The following ZNF699 variants were observed in gnomAD, a reference collection of about 807,000 sequenced individuals.
ZNF699 encodes the protein zinc finger protein 699.
A neutral mutation model predicts 22.5 loss-of-function variants in ZNF699; 18 were observed. The ratio of observed to expected loss-of-function variants is 0.80; its 90% CI spans 0.55 to 1.19. ZNF699 has a LOEUF of 1.19. Ranked by LOEUF, ZNF699 falls within the 50% of genes most tolerant of loss-of-function variation. The pLI, the probability that ZNF699 is intolerant of heterozygous loss-of-function variation, is 0.00. For synonymous variants in ZNF699, 241 were observed against 262.3 expected, an observed-to-expected ratio of 0.92 and a Z score of 0.78; for missense variants, 670 against 763.4, an observed-to-expected ratio of 0.88 and a Z score of 1.44.
chr19:9,304,644 G>C (rs191377396), intron 2 of ZNF699, among the ~76,000 whole-genome samples: 1 of 152,192 alleles, frequency 6.6e-6, no homozygotes, highest in Non-Finnish European at 1.5e-5. Context: ...CACTACGGCC[G>C]GCCGGGCACG....
Position 9,309,689 on chromosome 19 carries a change from T to G in ZNF699, c.-345A>C, listed in dbSNP as rs10775620. 6.6e-6 allele frequency: 1 copy of G among 152,288 alleles called. No individual in the cohort carries two copies. The highest frequency in any genetic ancestry group is 1.5e-5 in the Non-Finnish European group (1 of 68,120). 9.4% of individuals were successfully genotyped at this position (152,288 alleles called of 1,614,324 possible). On this transcript the variant is annotated 5_prime_UTR_variant, in exon 1 of 6. Coordinates refer to ENST00000591998, the MANE Select transcript of ZNF699 (RefSeq NM_198535.3). ...GGGAGGCAGCCCTTAGACCGCCGATTCCCAAACCCAGCCCTCGGTCTCCCG... is the reference window on the plus strand; with the variant it reads ...GGGAGGCAGCCCTTAGACCGCCGATGCCCAAACCCAGCCCTCGGTCTCCCG...
In ZNF699 at chr19:9,294,024, C is replaced by A. The variant is rs1319742193; in HGVS notation, c.*1451G>T. On this transcript the variant is annotated 3_prime_UTR_variant, in exon 6 of 6. Coordinates refer to ENST00000591998, the MANE Select transcript of ZNF699 (RefSeq NM_198535.3). ...CAGGATGATACCCTGTGGATGCTTA[C>A]CTCAATTACCAAGGGTAACTTCCCT... is the stretch of plus-strand genomic sequence containing the variant. Among the ~76,000 whole-genome samples the A allele has an allele frequency of 6.6e-6, 1 of 152,010 alleles. No homozygotes were observed. The highest frequency in any genetic ancestry group is 1.5e-5 in the Non-Finnish European group (1 of 68,004).
At position 9,291,609 on chromosome 19, in the gene ZNF699, A is replaced by C. The variant is rs2066265731; in HGVS notation, c.*3866T>G. 1 of 152,126 alleles carries C rather than the reference A, an allele frequency of 6.6e-6. No individual in the cohort carries two copies. The highest frequency in any genetic ancestry group is 2.1e-4 in the South Asian group (1 of 4,828). The allele number at this position is 152,126 out of a possible 1,614,324, so 9.4% of individuals were successfully genotyped here. A position where few individuals can be genotyped will look rare whatever the true frequency, so the allele number is the denominator to read the frequency against. On this transcript the variant is annotated 3_prime_UTR_variant, in exon 6 of 6. Coordinates refer to ENST00000591998, the MANE Select transcript of ZNF699 (RefSeq NM_198535.3). Reference sequence around the variant, plus strand: ...CAATAAAGAATCTAGAAGGAAACATAGGAGAGTAGATTCATTATCTTGGTC... The same window carrying C: ...CAATAAAGAATCTAGAAGGAAACATCGGAGAGTAGATTCATTATCTTGGTC...
intron 3 of ZNF699, among the ~76,000 whole-genome samples, chr19:9,299,181 C>T (rs967898124): frequency 3.9e-5 from 6 of 152,302 alleles, no homozygotes; most frequent in African/African-American, 1.2e-4. Flanking sequence ...GTCGCCCAGG[C>T]GGGAGTGCAG....
Position 9,296,041 on chromosome 19 carries a change from C to G in ZNF699, c.1363G>C (p.Ala455Pro), listed in dbSNP as rs761766891. ...KPYECKECGK[A>P]FSCPSSFRAH... ...CTAAAGGACGAGGGACAACTAAAGG[C>G]CTTCCCACATTCCTTACATTCATAG... The change falls in exon 6 of 6, where the codon GCC (alanine) becomes CCC (proline). Residue 455 changes from alanine to proline, a missense_variant. Coordinates refer to ENST00000591998, the MANE Select transcript of ZNF699 (RefSeq NM_198535.3). The G allele has an allele frequency of 6.2e-7, 1 of 1,614,128 alleles. No individual in the cohort carries two copies. Among genetic ancestry groups the G allele is most frequent in the Admixed American group, 1.7e-5 (1 of 60,010 alleles).
In ZNF699 at chr19:9,292,645, T is replaced by G. The variant is rs986526603; in HGVS notation, c.*2830A>C. On this transcript the variant is annotated 3_prime_UTR_variant, in exon 6 of 6. Coordinates refer to ENST00000591998, the MANE Select transcript of ZNF699 (RefSeq NM_198535.3). The stretch of plus-strand genomic sequence containing the variant: ...AAACCAACAAATTCCCTTTAAAGAG[T>G]GAAAAGACAAGACAGAGATTGGGAA... 6.6e-6 allele frequency among the ~76,000 whole-genome samples: 1 copy of G among 151,736 alleles called. No individual in the cohort carries two copies. Among genetic ancestry groups the G allele is most frequent in the Non-Finnish European group, 1.5e-5 (1 of 67,940 alleles).
intron 2 of ZNF699, 25 bp from the exon 3 acceptor site, chr19:9,302,529 C>A: frequency 6.3e-7 from 1 of 1,582,672 alleles, no homozygotes; most frequent in South Asian, 1.1e-5. Context: ...AAATTCTGTT[C>A]AGAAAGGTAC....
chr19:9,294,861 A>G lies in ZNF699; in HGVS notation c.*614T>C, dbSNP rs1235201316. 2 of 152,334 alleles carry G rather than the reference A, an allele frequency of 1.3e-5. No individual in the cohort carries two copies. The highest frequency in any genetic ancestry group is 4.8e-5 in the African/African-American group (2 of 41,578). 9.4% of individuals were successfully genotyped at this position (152,334 alleles called of 1,614,324 possible). On this transcript the variant is annotated 3_prime_UTR_variant, in exon 6 of 6. Coordinates refer to ENST00000591998, the MANE Select transcript of ZNF699 (RefSeq NM_198535.3). ...TCTCTTAGCAAAAAAGAATAGGAAG[A>G]AAAATATTGAGTGGGCAAGTTCCAT...
At chr19:9,300,597 TAGTC>T (rs1393659381) in intron 3 of ZNF699, among the ~76,000 whole-genome samples, 2 of 152,128 alleles carry the variant, frequency 1.3e-5, no homozygotes, top group African/African-American at 2.4e-5. Context: ...AATAGAATAT[TAGTC>T]AGAGGTACAA....
chr19:9,297,913 T>G lies in ZNF699; in HGVS notation c.253A>C (p.Ile85Leu). 1 of 1,613,862 alleles carries G rather than the reference T, an allele frequency of 6.2e-7. No homozygotes were observed. The highest frequency in any genetic ancestry group is 8.5e-7 in the Non-Finnish European group (1 of 1,179,966). Residue 85 changes from isoleucine (I) to leucine (L), a missense_variant, in exon 4 of 6, where the codon ATC becomes CTC. Transcript: ENST00000591998. The surrounding 1 kb of genome is among the most constrained non-coding windows in gnomAD (Gnocchi z 4.3). ...EDLQTVKRELIQGIFMGEHRE... is the reference protein window; with the variant it reads ...EDLQTVKRELLQGIFMGEHRE... ...TGCTCTCCCATAAAGATGCCCTGGA[T>G]AAGTTCTCTCTTCACTGTCTGCAGG...
In ZNF699 at chr19:9,292,570, C is replaced by G. The variant is rs2066268942; in HGVS notation, c.*2905G>C. ...ACATTTTTTTAGCCCCAGGATTTAG[C>G]CATGTCTGAAGCTCGTTATACCCAA... On this transcript the variant is annotated 3_prime_UTR_variant, in exon 6 of 6. Transcript: ENST00000591998. Among the ~76,000 whole-genome samples, 1 of 152,056 alleles carries G rather than the reference C, an allele frequency of 6.6e-6. No homozygotes were observed. The highest frequency in any genetic ancestry group is 2.1e-4 in the South Asian group (1 of 4,828).
At position 9,295,864 on chromosome 19, in the gene ZNF699, T is replaced by G; in HGVS notation, c.1540A>C (p.Ser514Arg). ...ATATGTACTGTAAGGTGGGAGGAAC[T>G]AATAAAGGCTTTCCCACATTCTTTA... ...ECKECGKAFI[S>R]SSHLTVHIRT... The change falls in exon 6 of 6, where the codon AGT (serine) becomes CGT (arginine). Residue 514 changes from serine to arginine, a missense_variant. Ser to Arg is a moderately radical substitution (Grantham distance 110). Coordinates refer to ENST00000591998, the MANE Select transcript of ZNF699 (RefSeq NM_198535.3). The G allele has an allele frequency of 3.7e-6, 6 of 1,613,704 alleles. No individual in the cohort carries two copies. The highest frequency in any genetic ancestry group is 5.1e-6 in the Non-Finnish European group (6 of 1,179,886).
rs778442546 is a variant in ZNF699 at position 9,295,747 on chromosome 19, G to T, written c.1657C>A (p.His553Asn). ...CATTCATAGGGTTTTTCCCCAGTGT[G>T]CGTTCTCATGTGGATCCTAAGGGCT... ...PSALRIHMRT[H>N]TGEKPYECKE... is the part of the protein sequence containing the mutation. The change falls in exon 6 of 6, where the codon CAC (histidine) becomes AAC (asparagine). Residue 553 changes from histidine to asparagine, a missense_variant. His to Asn is a moderately conservative substitution (Grantham distance 68). Transcript: ENST00000591998. The T allele has an allele frequency of 6.2e-7, 1 of 1,614,038 alleles. No individual in the cohort carries two copies. The highest frequency in any genetic ancestry group is 8.5e-7 in the Non-Finnish European group (1 of 1,180,000).
rs1286344388 is a variant in ZNF699 at position 9,292,674 on chromosome 19, T to G, written c.*2801A>C. On this transcript the variant is annotated 3_prime_UTR_variant, in exon 6 of 6. Coordinates refer to ENST00000591998, the MANE Select transcript of ZNF699 (RefSeq NM_198535.3). Reference sequence around the variant, plus strand: ...AAGACAAGACAGAGATTGGGAAATGTTATCTGTAATGTATGTATATATAAT... The same window carrying G: ...AAGACAAGACAGAGATTGGGAAATGGTATCTGTAATGTATGTATATATAAT... Among the ~76,000 whole-genome samples, 1 of 152,140 alleles carries G rather than the reference T, an allele frequency of 6.6e-6. No individual in the cohort carries two copies. Among genetic ancestry groups the G allele is most frequent in the African/African-American group, 2.4e-5 (1 of 41,416 alleles).
chr19:9,299,758 CAT>C (rs1230607752), intron 3 of ZNF699, among the ~76,000 whole-genome samples: 1 of 151,380 alleles, frequency 6.6e-6, no homozygotes, highest in African/African-American at 2.4e-5. Flanking sequence ...TTGCAAAAAA[CAT>C]ATCTGAGAAG....
chr19:9,291,177 A>G lies in ZNF699; in HGVS notation c.*4298T>C, dbSNP rs186452244. Among the ~76,000 whole-genome samples the G allele has an allele frequency of 2.0e-5, 3 of 152,322 alleles. No homozygotes were observed. The highest frequency in any genetic ancestry group is 2.0e-4 in the Admixed American group (3 of 15,302). On this transcript the variant is annotated 3_prime_UTR_variant, in exon 6 of 6. Transcript: ENST00000591998. ...CTAGGTAAATGGACAATTATACCAT[A>G]TTCATCAACTGGAAAACTCGATATT...
Position 9,293,928 on chromosome 19 carries a change from TAAA to T in ZNF699, c.*1544_*1546del, listed in dbSNP as rs144833884. Among the ~76,000 whole-genome samples the T allele has an allele frequency of 7.0e-6, 1 of 142,846 alleles. No individual in the cohort carries two copies. Among genetic ancestry groups the T allele is most frequent in the Non-Finnish European group, 1.5e-5 (1 of 65,822 alleles). 93.7% of individuals were successfully genotyped at this position (142,846 alleles called of 152,430 possible). ...CTGAAGCAATTCATCTTCTTACATT[TAAA>T]AAAAAAAAAAAAGCAGTAAAATCTT... On this transcript the variant is annotated 3_prime_UTR_variant, in exon 6 of 6. Coordinates refer to ENST00000591998, the MANE Select transcript of ZNF699 (RefSeq NM_198535.3).
rs140988154 is a variant in ZNF699 at position 9,303,742 on chromosome 19, G to A, written c.49-1238C>T. Among the ~76,000 whole-genome samples, 127 of 152,100 alleles carry A rather than the reference G, an allele frequency of 8.3e-4. 1 individual carries two copies. The highest frequency in any genetic ancestry group is 3.5e-3 in the Middle Eastern group (1 of 286). ...CCAACCATCTCATGAGCACACAAAA[G>A]ACGCTCTTATTGCTCTAGAGATTAC... On this transcript the variant is annotated intron_variant, in intron 2 of 5. Transcript: ENST00000591998.
Position 9,297,205 on chromosome 19 carries a change from T to A in ZNF699, c.470+91A>T, listed in dbSNP as rs2066290206. ...TCAAACCACAATCTTTGATCTAGGC[T>A]TATTTATATATACATATTTCTTAAA... On this transcript the variant is annotated intron_variant, in intron 5 of 5. Transcript: ENST00000591998. This position sits in a 1 kb window ranked among gnomAD's most constrained non-coding sequence, Gnocchi z 4.3. 2 of 1,296,528 alleles carry A rather than the reference T, an allele frequency of 1.5e-6. No individual in the cohort carries two copies. Among genetic ancestry groups the A allele is most frequent in the Non-Finnish European group, 1.1e-6 (1 of 945,052 alleles). 80.3% of individuals were successfully genotyped at this position (1,296,528 alleles called of 1,614,324 possible).
Sources: allele counts gnomAD v4.1 joint callset (sites outside exome capture counted in the v4.1 genomes callset), GRCh38; gene constraint gnomAD v4.1.1; non-coding constraint Gnocchi (gnomAD v3.1); transcripts MANE v1.5; gene names NCBI Gene and HGNC (gene_info 2026-07-23, HGNC 2026-07-21).